Variants in NIM1K observed in about 807,000 individuals in gnomAD.
The protein encoded by NIM1K is serine/threonine-protein kinase NIM1.
NIM1K carries 35 observed loss-of-function variants against 37.1 expected under a neutral mutation model. That is an observed-to-expected ratio of 0.94 (90% CI 0.72 to 1.25). NIM1K has a LOEUF of 1.25. Among genes scored for constraint, NIM1K ranks in the 50% most tolerant of loss-of-function variants. NIM1K has a pLI of 0.00. For synonymous variants in NIM1K, 234 were observed against 206.6 expected, an observed-to-expected ratio of 1.13 and a Z score of -1.14; for missense variants, 564 against 548.0, an observed-to-expected ratio of 1.03 and a Z score of -0.29.
intron 2 of NIM1K, among the ~76,000 whole-genome samples, chr5:43,274,752 C>G (rs772636514): frequency 1.3e-5 from 2 of 152,232 alleles, no homozygotes; most frequent in African/African-American, 2.4e-5. Flanking sequence ...ACCAGTGAAC[C>G]CTTTTTCCAT....
chr5:43,262,643 T>C (rs892424512), intron 2 of NIM1K, among the ~76,000 whole-genome samples: 1 of 152,120 alleles, frequency 6.6e-6, no homozygotes, highest in African/African-American at 2.4e-5. Context: ...TCCAACACTA[T>C]GTTGAATAGG....
At chr5:43,273,177 A>C (rs2111561193) in intron 2 of NIM1K, among the ~76,000 whole-genome samples, 1 of 148,990 alleles carries the variant, frequency 6.7e-6, no homozygotes, top group African/African-American at 2.5e-5. Context: ...TCCTCTCTGC[A>C]CTTCTCACAT....
At chr5:43,234,760 G>C (rs1368826743) in intron 1 of NIM1K, among the ~76,000 whole-genome samples, 6 of 152,148 alleles carry the variant, frequency 3.9e-5, no homozygotes, top group Non-Finnish European at 7.3e-5. Flanking sequence ...TCAGCCTCCT[G>C]AGTAGCGGGG....
intron 2 of NIM1K, among the ~76,000 whole-genome samples, chr5:43,253,689 T>C (rs1040913303): frequency 6.6e-6 from 1 of 151,892 alleles, no homozygotes; most frequent in Non-Finnish European, 1.5e-5. Flanking sequence ...AGACGGAGTC[T>C]TGCCCTGTCA....
At chr5:43,228,588 G>A (rs1483972497) in intron 1 of NIM1K, among the ~76,000 whole-genome samples, 1 of 151,992 alleles carries the variant, frequency 6.6e-6, no homozygotes, top group Non-Finnish European at 1.5e-5. Flanking sequence ...GTTTTGGGAG[G>A]CTGAGGCAGG....
intron 1 of NIM1K, among the ~76,000 whole-genome samples, chr5:43,226,675 G>A (rs990383270): frequency 6.6e-6 from 1 of 152,192 alleles, no homozygotes; most frequent in Non-Finnish European, 1.5e-5. Flanking sequence ...TCTTCTGAGT[G>A]TCAAGTATAA....
intron 1 of NIM1K, chr5:43,232,016 C>T: frequency 9.7e-7 from 1 of 1,033,670 alleles, no homozygotes. Context: ...CAGGCCTCAG[C>T]AATGGCTGTG....
At chr5:43,269,239 G>A (rs1266915494) in intron 2 of NIM1K, among the ~76,000 whole-genome samples, 2 of 143,950 alleles carry the variant, frequency 1.4e-5, no homozygotes, top group South Asian at 2.2e-4. Context: ...GTACCCGGGA[G>A]GCAGAGGTTG....
At chr5:43,259,221 TG>T (rs1752992202) in intron 2 of NIM1K, among the ~76,000 whole-genome samples, 1 of 152,242 alleles carries the variant, frequency 6.6e-6, no homozygotes, top group Non-Finnish European at 1.5e-5. Context: ...TAAACATGCA[TG>T]CAGGTGTTTT....
intron 2 of NIM1K, among the ~76,000 whole-genome samples, chr5:43,270,456 A>G (rs1404027117): frequency 6.6e-6 from 1 of 152,186 alleles, no homozygotes; most frequent in Non-Finnish European, 1.5e-5. Context: ...ACATGGTGGG[A>G]AGGACTTGAG....
At chr5:43,227,087 G>A (rs116650297) in intron 1 of NIM1K, among the ~76,000 whole-genome samples, 11 of 152,196 alleles carry the variant, frequency 7.2e-5, no homozygotes, top group South Asian at 4.1e-4. Context: ...TTCACCGGGC[G>A]CAGTGGCTCA....
intron 2 of NIM1K, among the ~76,000 whole-genome samples, chr5:43,274,803 A>G (rs1753313635): frequency 1.3e-5 from 2 of 151,802 alleles, no homozygotes; most frequent in South Asian, 2.1e-4. Flanking sequence ...TACCAATAAC[A>G]CTCCTATTTT....
At chr5:43,230,651 G>A (rs1043778606) in intron 1 of NIM1K, among the ~76,000 whole-genome samples, 1 of 152,186 alleles carries the variant, frequency 6.6e-6, no homozygotes, top group Non-Finnish European at 1.5e-5. Context: ...TATTTGGGGG[G>A]CAGGGCCTAG....
At chr5:43,235,654 A>G (rs988543538) in intron 1 of NIM1K, among the ~76,000 whole-genome samples, 3 of 152,248 alleles carry the variant, frequency 2.0e-5, no homozygotes, top group African/African-American at 7.2e-5. Context: ...AATGACAAAA[A>G]TGTATTCAGT....
At chr5:43,258,592 C>G (rs1460501046) in intron 2 of NIM1K, among the ~76,000 whole-genome samples, 1 of 151,982 alleles carries the variant, frequency 6.6e-6, no homozygotes, top group African/African-American at 2.4e-5. Flanking sequence ...CAGGGGCATG[C>G]CATCATGCCT....
intron 1 of NIM1K, among the ~76,000 whole-genome samples, chr5:43,197,320 G>A (rs1376663190): frequency 1.3e-5 from 2 of 149,848 alleles, no homozygotes; most frequent in African/African-American, 4.9e-5. Flanking sequence ...TAGAGTTGTC[G>A]GTGGTAGGGG....
At chr5:43,265,298 T>C (rs1753123958) in intron 2 of NIM1K, among the ~76,000 whole-genome samples, 1 of 152,238 alleles carries the variant, frequency 6.6e-6, no homozygotes, top group African/African-American at 2.4e-5. Context: ...CCATATTTCT[T>C]GGAGGCTTTG....
intron 1 of NIM1K, among the ~76,000 whole-genome samples, chr5:43,213,221 C>CTTTTTTTTT (rs146122355): frequency 4.6e-5 from 2 of 43,166 alleles, no homozygotes; most frequent in African/African-American, 7.7e-5. Context: ...TTCTTTCTTT[C>CTTTTTTTTT]TTTCCTTCTT....
At chr5:43,218,405 T>A (rs937833755) in intron 1 of NIM1K, among the ~76,000 whole-genome samples, 4 of 152,226 alleles carry the variant, frequency 2.6e-5, no homozygotes, top group Admixed American at 1.3e-4. Flanking sequence ...CAGACCTATT[T>A]GGCTCACAAT....
Sources: gnomAD v4.1 joint callset for allele counts (sites outside exome capture counted in the v4.1 genomes callset) on GRCh38, gnomAD v4.1.1 for gene constraint, MANE v1.5 for transcripts, NCBI Gene and HGNC (gene_info 2026-07-23, HGNC 2026-07-21) for gene names.